TMEM67: variants seen among roughly 807,000 people sequenced by gnomAD.
TMEM67 encodes meckelin.
Under a neutral mutation model 136.6 loss-of-function variants are expected in TMEM67, and 124 were observed. The observed-to-expected ratio is 0.91, with a 90% CI of 0.78 to 1.05. The LOEUF is 1.05. Ranked by LOEUF, TMEM67 falls within the 50% of genes least tolerant of loss-of-function variation. TMEM67 has a pLI of 0.00. For synonymous variants in TMEM67, 364 were observed against 390.5 expected (o/e 0.93, Z 0.80); for missense variants, 1,107 against 1,178.4 (o/e 0.94, Z 0.89).
chr8:93,795,249 A>T, intron 16 of TMEM67, 160 bp from the exon 17 acceptor site: 1 of 687,342 alleles, frequency 1.5e-6, no homozygotes, highest in East Asian at 2.7e-5. Flanking sequence ...AGCAAGGAGG[A>T]GGAAGCAGGT....
intron 23 of TMEM67, among the ~76,000 whole-genome samples, chr8:93,806,747 AAAAGTT>A: frequency 6.6e-6 from 1 of 152,146 alleles, no homozygotes. Context: ...CTTGTGATTA[AAAAGTT>A]AAATGTAAAA....
chr8:93,822,261 A>C (rs1347259079), downstream of TMEM67, among the ~76,000 whole-genome samples: 1 of 152,260 alleles, frequency 6.6e-6, no homozygotes, highest in East Asian at 1.9e-4. Context: ...CTTGTTAGTC[A>C]TAAGAATGCA....
chr8:93,762,199 G>C (rs1025437128), intron 3 of TMEM67, among the ~76,000 whole-genome samples: 2 of 152,130 alleles, frequency 1.3e-5, no homozygotes, highest in Admixed American at 1.3e-4. Flanking sequence ...AGGTTACAGT[G>C]AGTGAGATCA....
In TMEM67 at chr8:93,816,480, A is replaced by C; in HGVS notation, c.*28A>C. 28 of 1,345,738 alleles carry C rather than the reference A, an allele frequency of 2.1e-5. No individual in the cohort carries two copies. Among genetic ancestry groups the C allele is most frequent in the Non-Finnish European group, 2.7e-5 (25 of 942,842 alleles). 83.4% of individuals were successfully genotyped at this position (1,345,738 alleles called of 1,614,324 possible). ...TCCTGAATAAATAACTTAAAGACTC[A>C]GTATAATCATGGCCAAAAAAAAGTC... is the stretch of plus-strand genomic sequence containing the variant. On this transcript the variant is annotated 3_prime_UTR_variant, in exon 28 of 28. Coordinates refer to ENST00000453321, the MANE Select transcript of TMEM67 (RefSeq NM_153704.6).
chr8:93,766,626 C>T (rs142669568), intron 6 of TMEM67, among the ~76,000 whole-genome samples: 4 of 151,892 alleles, frequency 2.6e-5, no homozygotes, highest in African/African-American at 9.7e-5. Context: ...GCTTAGTATG[C>T]CAGAGTTTGG....
intron 23 of TMEM67, among the ~76,000 whole-genome samples, chr8:93,807,664 G>T (rs1256413067): frequency 6.6e-6 from 1 of 151,602 alleles, no homozygotes; most frequent in Non-Finnish European, 1.5e-5. Context: ...TTCTGCAATG[G>T]CATGAATATT....
intron 3 of TMEM67, chr8:93,762,947 CAG>C (rs149469462): frequency 0.046 from 20,245 of 438,210 alleles, 563 homozygotes; most frequent in South Asian, 0.067. Flanking sequence ...TTTTTTGAAA[CAG>C]GGTCTCACTC....
At chr8:93,831,949 A>G in the TMEM67 span, among the ~76,000 whole-genome samples, 8 of 152,194 alleles carry the variant, frequency 5.3e-5, no homozygotes, top group Non-Finnish European at 8.8e-5. Flanking sequence ...GGAGAGGGGC[A>G]CTGCTTGGAA....
intron 6 of TMEM67, among the ~76,000 whole-genome samples, chr8:93,765,857 G>T (rs112577955): frequency 2.0e-5 from 3 of 152,088 alleles, no homozygotes; most frequent in African/African-American, 4.8e-5. Flanking sequence ...TTTTCAGTGC[G>T]CTACAGAATG....
chr8:93,800,661 G>A (rs1280796940), intron 21 of TMEM67, among the ~76,000 whole-genome samples: 1 of 152,166 alleles, frequency 6.6e-6, no homozygotes, highest in Non-Finnish European at 1.5e-5. Context: ...CATGTGACTA[G>A]TAACTGACAG....
At chr8:93,778,565 C>A (rs1813665406) in intron 7 of TMEM67, among the ~76,000 whole-genome samples, 1 of 152,180 alleles carries the variant, frequency 6.6e-6, no homozygotes, top group Non-Finnish European at 1.5e-5. Flanking sequence ...GTCAAAATCT[C>A]TCAACCTTTG....
At chr8:93,783,080 G>A (rs999033042) in intron 11 of TMEM67, among the ~76,000 whole-genome samples, 1 of 152,052 alleles carries the variant, frequency 6.6e-6, no homozygotes, top group African/African-American at 2.4e-5. Flanking sequence ...TTGCCTCCTG[G>A]GTTCAAGCAA....
In TMEM67 at chr8:93,797,391, C is replaced by T. The variant is rs1814671389; in HGVS notation, c.2021C>T (p.Ala674Val). 1.2e-6 allele frequency: 2 copies of T among 1,613,738 alleles called. No individual in the cohort carries two copies. Among genetic ancestry groups the T allele is most frequent in the East Asian group, 4.5e-5 (2 of 44,868 alleles). ...AGCATATGGAGAACATATTTTGTAG[C>T]AAATGAATGGAATGAAATTCAGACT... Reference protein sequence around the residue: ...PVSIWRTYFVANEWNEIQTVR... With the variant: ...PVSIWRTYFVVNEWNEIQTVR... Residue 674 changes from alanine to valine, a missense_variant, in exon 20 of 28, where the codon GCA becomes GTA. Coordinates refer to ENST00000453321, the MANE Select transcript of TMEM67 (RefSeq NM_153704.6).
At chr8:93,783,150 T>C (rs974241325) in intron 11 of TMEM67, among the ~76,000 whole-genome samples, 4 of 152,140 alleles carry the variant, frequency 2.6e-5, no homozygotes, top group Admixed American at 2.6e-4. Flanking sequence ...CACACCCAGC[T>C]AATTCTTGTG....
the TMEM67 span, among the ~76,000 whole-genome samples, chr8:93,829,100 T>C: frequency 5.3e-5 from 8 of 152,340 alleles, no homozygotes; most frequent in African/African-American, 9.6e-5. Flanking sequence ...TTATGGCTTA[T>C]GTGATGCTGA....
intron 22 of TMEM67, among the ~76,000 whole-genome samples, chr8:93,804,366 C>A (rs146606097): frequency 1.7e-5 from 2 of 119,448 alleles, no homozygotes; most frequent in East Asian, 2.6e-4. Flanking sequence ...CCAGGCTGGA[C>A]TACAGTCGTG....
chr8:93,822,555 AGCTCAAAGGTAGGTGT>A (rs1318354476), downstream of TMEM67, among the ~76,000 whole-genome samples: 3 of 152,168 alleles, frequency 2.0e-5, no homozygotes, highest in African/African-American at 7.2e-5. Flanking sequence ...TTCTGACTGT[AGCTCAAAGGTAGGTGT>A]GCTCACAGGA....
chr8:93,758,465 T>C lies in TMEM67; in HGVS notation c.313-18T>C. The C allele has an allele frequency of 1.3e-6, 2 of 1,595,462 alleles. No homozygotes were observed. Among genetic ancestry groups the C allele is most frequent in the Non-Finnish European group, 1.7e-6 (2 of 1,163,986 alleles). On this transcript the variant is annotated intron_variant, in intron 2 of 27. Coordinates refer to ENST00000453321, the MANE Select transcript of TMEM67 (RefSeq NM_153704.6). ...GTTAATTAAAAAAGAGAAAAGCATT[T>C]TTTTTCTTTTAATTTAGAAAGGTGT...
chr8:93,787,992 G>A (rs763454121), intron 14 of TMEM67, 43 bp downstream of exon 14: 2 of 1,362,728 alleles, frequency 1.5e-6, no homozygotes. Flanking sequence ...TATAAATAGA[G>A]TATAATACTG....
Sources: allele counts gnomAD v4.1 joint callset (sites outside exome capture counted in the v4.1 genomes callset), GRCh38; gene constraint gnomAD v4.1.1; transcripts MANE v1.5; gene names NCBI Gene and HGNC (gene_info 2026-07-23, HGNC 2026-07-21).